Variants in DLG1 observed in about 807,000 individuals in gnomAD.
The protein encoded by DLG1 is disks large homolog 1.
DLG1 carries 42 observed loss-of-function variants against 123.4 expected under a neutral mutation model. The observed-to-expected ratio is 0.34, with a 90% CI of 0.27 to 0.44. DLG1 has a LOEUF of 0.44. Ranked by LOEUF, DLG1 falls within the 20% of genes least tolerant of loss-of-function variation. The pLI is 1.00. For synonymous variants in DLG1, 317 were observed against 356.2 expected (o/e 0.89, Z 1.24); for missense variants, 942 against 1,082.6 (o/e 0.87, Z 1.82).
intron 1 of DLG1, chr3:197,297,557 C>G (rs1003076329): frequency 9.3e-7 from 1 of 1,072,322 alleles, no homozygotes; most frequent in African/African-American, 1.7e-5. Flanking sequence ...CTACTGGGTA[C>G]GGGCGGGTGA....
intron 4 of DLG1, among the ~76,000 whole-genome samples, chr3:197,252,574 G>A (rs1385799932): frequency 6.6e-6 from 1 of 152,162 alleles, no homozygotes; most frequent in Non-Finnish European, 1.5e-5. Context: ...CTGAGGGAAT[G>A]AGGAGTTATT....
chr3:197,234,989 G>A (rs759624016), intron 4 of DLG1, among the ~76,000 whole-genome samples: 8 of 152,154 alleles, frequency 5.3e-5, no homozygotes, highest in South Asian at 2.1e-4. Context: ...AAACTTCTAC[G>A]TCAGGCCATG....
chr3:197,187,373 A>G (rs1331020685), intron 5 of DLG1, among the ~76,000 whole-genome samples: 3 of 151,938 alleles, frequency 2.0e-5, no homozygotes. Context: ...TTTTTCTGCC[A>G]CTCCCATTTC....
chr3:197,153,344 T>TG (rs1265597303), intron 5 of DLG1, among the ~76,000 whole-genome samples: 3 of 152,300 alleles, frequency 2.0e-5, no homozygotes, highest in East Asian at 3.9e-4. Flanking sequence ...TTTTGGAACT[T>TG]GGAGTCTACT....
chr3:197,163,178 T>C lies in DLG1; in HGVS notation c.484-13382A>G, dbSNP rs537541975. ...ACTTCACCACTACAAGGGAAGTGTC[T>C]AATTAAAACAAAACAAAAAACAAAG... On this transcript the variant is annotated intron_variant, in intron 5 of 24. Coordinates refer to ENST00000667157, the MANE Select transcript of DLG1 (RefSeq NM_001366207.1). 9.9e-5 allele frequency among the ~76,000 whole-genome samples: 15 copies of C among 152,272 alleles called. No individual in the cohort carries two copies. The East Asian group carries it at 2.9e-3, about 29-fold the overall frequency.
intron 5 of DLG1, among the ~76,000 whole-genome samples, chr3:197,157,279 C>T (rs1796797620): frequency 6.6e-6 from 1 of 152,162 alleles, no homozygotes; most frequent in South Asian, 2.1e-4. Flanking sequence ...GTAAAACACC[C>T]TAAAGATTCT....
At chr3:197,297,826 G>A in intron 1 of DLG1, 4 of 985,220 alleles carry the variant, frequency 4.1e-6, no homozygotes, top group South Asian at 4.7e-5. Context: ...GCGTGCGCTC[G>A]GAACTGGGGT....
At chr3:197,233,564 TG>T (rs1744392438) in intron 4 of DLG1, among the ~76,000 whole-genome samples, 1 of 152,204 alleles carries the variant, frequency 6.6e-6, no homozygotes, top group African/African-American at 2.4e-5. Flanking sequence ...TTTGTATTTT[TG>T]GTAGAGACGG....
At chr3:197,177,890 C>T (rs12233394) in intron 5 of DLG1, among the ~76,000 whole-genome samples, 111,696 of 151,962 alleles carry the variant, frequency 0.74, 41,155 homozygotes, top group East Asian at 0.82. Context: ...GTGTGATGCG[C>T]GCTTCACAGA....
chr3:197,238,773 T>C (rs2150712828), intron 4 of DLG1, among the ~76,000 whole-genome samples: 1 of 152,224 alleles, frequency 6.6e-6, no homozygotes, highest in Admixed American at 6.5e-5. Flanking sequence ...TTAGAAGATA[T>C]TTACATATGA....
At chr3:197,173,420 G>C (rs561901335) in intron 5 of DLG1, among the ~76,000 whole-genome samples, 1 of 152,258 alleles carries the variant, frequency 6.6e-6, no homozygotes, top group East Asian at 1.9e-4. Context: ...ATTTTCTACA[G>C]ATGAGGAGAC....
chr3:197,142,270 T>C (rs1190579005), intron 7 of DLG1, among the ~76,000 whole-genome samples: 1 of 152,156 alleles, frequency 6.6e-6, no homozygotes, highest in Non-Finnish European at 1.5e-5. Flanking sequence ...TATCACAATC[T>C]AGAGGGGTCT....
chr3:197,176,627 T>C (rs913840667), intron 5 of DLG1, among the ~76,000 whole-genome samples: 2 of 152,166 alleles, frequency 1.3e-5, no homozygotes, highest in African/African-American at 2.4e-5. Context: ...TGTCTTTTCA[T>C]GGCTTGATAG....
intron 4 of DLG1, among the ~76,000 whole-genome samples, chr3:197,218,906 C>T (rs1268920154): frequency 2.0e-5 from 3 of 152,202 alleles, no homozygotes; most frequent in Middle Eastern, 3.4e-3. Flanking sequence ...CCGAGGCGGG[C>T]GGATCACCTG....
chr3:197,280,680 G>C (rs1768875145), intron 4 of DLG1, among the ~76,000 whole-genome samples: 1 of 152,062 alleles, frequency 6.6e-6, no homozygotes, highest in Non-Finnish European at 1.5e-5. Flanking sequence ...TCGAGTATAA[G>C]AATTCGAGGC....
intron 19 of DLG1, chr3:197,068,524 T>C (rs1340777514): frequency 6.3e-7 from 1 of 1,583,102 alleles, no homozygotes; most frequent in South Asian, 1.1e-5. Flanking sequence ...CATACTCATC[T>C]GTAATCAAGA....
chr3:197,277,918 G>C (rs145833464), intron 4 of DLG1, among the ~76,000 whole-genome samples: 40 of 152,026 alleles, frequency 2.6e-4, no homozygotes, highest in African/African-American at 8.9e-4. Context: ...AGGACTGCTG[G>C]AGACCACCAC....
intron 4 of DLG1, among the ~76,000 whole-genome samples, chr3:197,198,561 T>C (rs962453534): frequency 1.3e-5 from 2 of 151,496 alleles, no homozygotes; most frequent in Admixed American, 1.3e-4. Flanking sequence ...AAGGGTCTAC[T>C]GTCCAGAATA....
chr3:197,069,208 A>C lies in DLG1; in HGVS notation c.2047+11T>G. 1 of 1,579,950 alleles carries C rather than the reference A, an allele frequency of 6.3e-7. No homozygotes were observed. Among genetic ancestry groups the C allele is most frequent in the Non-Finnish European group, 8.6e-7 (1 of 1,160,822 alleles). ...GAGATTACAAAAGAACAAGTAACTT[A>C]AAACACTTACGGTAACTACTTTCAC... On this transcript the variant is annotated intron_variant, in intron 19 of 24. Coordinates refer to ENST00000667157, the MANE Select transcript of DLG1 (RefSeq NM_001366207.1).
Sources: gnomAD v4.1 joint callset for allele counts (sites outside exome capture counted in the v4.1 genomes callset) on GRCh38, gnomAD v4.1.1 for gene constraint, MANE v1.5 for transcripts, NCBI Gene and HGNC (gene_info 2026-07-23, HGNC 2026-07-21) for gene names.